TRAPPC9: variants seen among roughly 807,000 people sequenced by gnomAD.
TRAPPC9 encodes the protein trafficking protein particle complex subunit 9, also known as IKK2 binding protein.
Under a neutral mutation model 124.0 loss-of-function variants are expected in TRAPPC9, and 83 were observed. The ratio of observed to expected loss-of-function variants is 0.67; its 90% CI spans 0.56 to 0.80. The LOEUF is 0.80. TRAPPC9 is among the 30% of genes least tolerant of loss of function. The probability of loss-of-function intolerance (pLI) is 0.00; values close to 1 mark genes in which losing one functional copy is unlikely to be tolerated. For missense variants in TRAPPC9, 1,302 were observed against 1,508.3 expected, an observed-to-expected ratio of 0.86 and a Z score of 2.27; for synonymous variants, 638 against 617.5, an observed-to-expected ratio of 1.03 and a Z score of -0.49.
In TRAPPC9 at chr8:139,888,680, T is replaced by C. The variant is rs114005369; in HGVS notation, c.2965-2711A>G. Among the ~76,000 whole-genome samples the C allele has an allele frequency of 8.2e-3, 1,253 of 152,356 alleles. 24 individuals carry two copies. Among genetic ancestry groups the C allele is most frequent in the African/African-American group, 0.029 (1,220 of 41,586 alleles). On this transcript the variant is annotated intron_variant, in intron 20 of 22. Coordinates refer to ENST00000438773, the MANE Select transcript of TRAPPC9 (RefSeq NM_001160372.4). Reference sequence around the variant, plus strand: ...ATAATTCCCTCCCTTAGAAGAATTCTCCAAACGAAATTTTCTCCATCTCAT... The same window carrying C: ...ATAATTCCCTCCCTTAGAAGAATTCCCCAAACGAAATTTTCTCCATCTCAT...
At position 139,731,160 on chromosome 8, in the gene TRAPPC9, G is replaced by A. The variant is rs755196344; in HGVS notation, c.3348C>T (p.Leu1116=). ...TGCTGTCCTCGTGGAACCGGATGTG[G>A]AGGAAGAAGTCTCCCGTGTAGAGGA... ...LLFLYTGDFF[L]HIRFHEDSTS... Residue 1116 remains leucine (L), a synonymous_variant, in exon 23 of 23, where the codon CTC becomes CTT. Transcript: ENST00000438773. The A allele has an allele frequency of 8.1e-6, 13 of 1,613,880 alleles. No individual in the cohort carries two copies. Among genetic ancestry groups the A allele is most frequent in the African/African-American group, 4.0e-5 (3 of 74,956 alleles).
intron 7 of TRAPPC9, among the ~76,000 whole-genome samples, chr8:140,376,635 G>C (rs941070893): frequency 6.6e-6 from 1 of 151,352 alleles, no homozygotes; most frequent in African/African-American, 2.4e-5. Flanking sequence ...CAGCACTTTG[G>C]GAGGCTAAGG....
chr8:140,130,063 TC>T (rs906771062), intron 17 of TRAPPC9, among the ~76,000 whole-genome samples: 3 of 152,064 alleles, frequency 2.0e-5, no homozygotes, highest in Non-Finnish European at 2.9e-5. Context: ...AAGGAAGAAC[TC>T]AAAGAGTGAT....
At chr8:140,425,514 T>C (rs2070390260) in intron 5 of TRAPPC9, among the ~76,000 whole-genome samples, 1 of 152,216 alleles carries the variant, frequency 6.6e-6, no homozygotes, top group Non-Finnish European at 1.5e-5. Flanking sequence ...TCGGAAATCT[T>C]TTTAAAATGC....
chr8:140,157,023 T>TTTTCCATTCAGAAGCCTCCC (rs2061651149), intron 17 of TRAPPC9, among the ~76,000 whole-genome samples: 2 of 21,046 alleles, frequency 9.5e-5, no homozygotes, highest in Non-Finnish European at 2.1e-4. Context: ...GAAGCCTCCC[T>TTTTCCATTCAGAAGCCTCCC]TTTCCATTCA....
intron 17 of TRAPPC9, among the ~76,000 whole-genome samples, chr8:140,027,040 G>A (rs1421031088): frequency 6.6e-6 from 1 of 152,144 alleles, no homozygotes; most frequent in Non-Finnish European, 1.5e-5. Flanking sequence ...CAGAAGGTGA[G>A]ACTCGACACA....
intron 9 of TRAPPC9, among the ~76,000 whole-genome samples, chr8:140,315,057 T>C (rs976088913): frequency 2.6e-5 from 4 of 152,146 alleles, no homozygotes; most frequent in East Asian, 1.9e-4. Flanking sequence ...TTCCCACCAA[T>C]AGCGTGTAAA....
rs1841020209 is a variant in TRAPPC9, at chr8:140,037,961, T to C, written c.2557-13882A>G. Among the ~76,000 whole-genome samples the C allele has an allele frequency of 1.4e-5, 2 of 145,590 alleles. 1 individual carries two copies. The highest frequency in any genetic ancestry group is 1.4e-4 in the Admixed American group (2 of 14,122). The stretch of plus-strand genomic sequence containing the variant: ...GGTAGGAAAGTTGCTGAAAGCTGTA[T>C]TGTTTCACACCTGTGTGCCTGAAAT... On this transcript the variant is annotated intron_variant, in intron 17 of 22. Transcript: ENST00000438773.
intron 21 of TRAPPC9, among the ~76,000 whole-genome samples, chr8:139,876,533 A>G (rs1829333116): frequency 6.6e-6 from 1 of 152,158 alleles, no homozygotes; most frequent in Non-Finnish European, 1.5e-5. Flanking sequence ...TGTGTAAACA[A>G]CCTGCTGACT....
In TRAPPC9 at chr8:140,229,251, C is replaced by CTTTTTTTTT. The variant is rs528175891; in HGVS notation, c.2432-7677_2432-7669dup. 4.3e-4 allele frequency among the ~76,000 whole-genome samples: 43 copies of CTTTTTTTTT among 99,834 alleles called. 2 individuals are homozygous for CTTTTTTTTT. The highest frequency in any genetic ancestry group is 1.7e-3 in the African/African-American group (38 of 21,716). 65.5% of individuals were successfully genotyped at this position (99,834 alleles called of 152,430 possible). On this transcript the variant is annotated intron_variant, in intron 16 of 22. Transcript: ENST00000438773. ...AGTCAATTCCGTATGTTTTCTTTTT[C>CTTTTTTTTT]TTTTTTTTTTTTTTTTTTTTTTTTT...
intron 17 of TRAPPC9, among the ~76,000 whole-genome samples, chr8:140,133,863 A>G (rs992376022): frequency 6.6e-6 from 1 of 152,142 alleles, no homozygotes; most frequent in African/African-American, 2.4e-5. Flanking sequence ...AGACTTGTAC[A>G]CTACAAATTA....
At chr8:139,770,884 C>A (rs997672910) in intron 21 of TRAPPC9, among the ~76,000 whole-genome samples, 7 of 152,166 alleles carry the variant, frequency 4.6e-5, no homozygotes, top group African/African-American at 1.7e-4. Context: ...CAAAGGCTGG[C>A]CCTGCCCGGG....
At chr8:139,938,980 G>A (rs182269107) in intron 19 of TRAPPC9, among the ~76,000 whole-genome samples, 1 of 152,196 alleles carries the variant, frequency 6.6e-6, no homozygotes, top group Non-Finnish European at 1.5e-5. Context: ...AGAGAAATAA[G>A]ACAAATGAAT....
intron 17 of TRAPPC9, among the ~76,000 whole-genome samples, chr8:140,184,275 T>C (rs1219883559): frequency 1.3e-5 from 2 of 152,142 alleles, no homozygotes; most frequent in Non-Finnish European, 2.9e-5. Context: ...AAAAGTGTTA[T>C]ACTGTTCTTT....
intron 1 of TRAPPC9, among the ~76,000 whole-genome samples, chr8:140,451,669 A>G (rs1180732618): frequency 3.9e-5 from 6 of 152,216 alleles, no homozygotes; most frequent in African/African-American, 1.4e-4. Flanking sequence ...AGTAAGAGTC[A>G]GTGCTCAAAA....
intron 21 of TRAPPC9, among the ~76,000 whole-genome samples, chr8:139,747,477 A>G (rs970132995): frequency 5.8e-5 from 1 of 17,098 alleles, no homozygotes; most frequent in Non-Finnish European, 2.7e-4. Context: ...TGCAGGGGTC[A>G]GAGCAGGTGG....
chr8:140,082,258 T>TC (rs1554620353), intron 17 of TRAPPC9: 30 of 151,944 alleles, frequency 2.0e-4, no homozygotes, highest in Non-Finnish European at 3.2e-4. Context: ...TTTTTTTTTT[T>TC]CCCTAAGAAT....
intron 21 of TRAPPC9, among the ~76,000 whole-genome samples, chr8:139,823,058 G>C (rs1208464672): frequency 6.6e-6 from 1 of 152,144 alleles, no homozygotes; most frequent in Non-Finnish European, 1.5e-5. Flanking sequence ...GATTGACTCA[G>C]GCCCCATCCT....
At chr8:140,175,499 G>T (rs1374341905) in intron 17 of TRAPPC9, among the ~76,000 whole-genome samples, 1 of 152,104 alleles carries the variant, frequency 6.6e-6, no homozygotes, top group African/African-American at 2.4e-5. Flanking sequence ...TCAAACAAAA[G>T]AAATGAACGC....
Sources: allele counts gnomAD v4.1 joint callset (sites outside exome capture counted in the v4.1 genomes callset), GRCh38; gene constraint gnomAD v4.1.1; transcripts MANE v1.5; gene names NCBI Gene and HGNC (gene_info 2026-07-23, HGNC 2026-07-21).